Variants in EXOC2 observed in about 807,000 individuals in gnomAD.
EXOC2 encodes SEC5-like 1.
Under a neutral mutation model 131.8 loss-of-function variants are expected in EXOC2, and 70 were observed. That is an observed-to-expected ratio of 0.53 (90% CI 0.44 to 0.65). EXOC2 has a LOEUF of 0.65. Ranked by LOEUF, EXOC2 falls within the 30% of genes least tolerant of loss-of-function variation. The probability of loss-of-function intolerance (pLI) is 0.00; values close to 1 mark genes in which losing one functional copy is unlikely to be tolerated. For synonymous variants in EXOC2, 411 were observed against 398.4 expected, an observed-to-expected ratio of 1.03 and a Z score of -0.38; for missense variants, 923 against 1,108.6, an observed-to-expected ratio of 0.83 and a Z score of 2.38.
intron 12 of EXOC2, 88 bp from the exon 13 acceptor site, chr6:572,732 C>T (rs1448690892): frequency 8.8e-6 from 13 of 1,480,116 alleles, no homozygotes; most frequent in Middle Eastern, 2.3e-4. Context: ...CCTCCACTCC[C>T]GCAAAACTCC....
At chr6:607,572 T>C (rs1309783065) in intron 7 of EXOC2, among the ~76,000 whole-genome samples, 1 of 152,228 alleles carries the variant, frequency 6.6e-6, no homozygotes, top group East Asian at 1.9e-4. Context: ...ACGGGACTAT[T>C]TCAATTTAAA....
At chr6:658,741 G>C (rs1407611750) in intron 1 of EXOC2, among the ~76,000 whole-genome samples, 2 of 146,938 alleles carry the variant, frequency 1.4e-5, no homozygotes, top group Non-Finnish European at 3.0e-5. Context: ...GGCTCACTGC[G>C]ACCTCTACCT....
At chr6:690,117 A>C (rs1022130064) in intron 1 of EXOC2, among the ~76,000 whole-genome samples, 1 of 152,174 alleles carries the variant, frequency 6.6e-6, no homozygotes, top group Admixed American at 6.5e-5. Context: ...AGCACTGGGA[A>C]GCTGAGGCCA....
At chr6:604,495 G>T (rs1175292787) in intron 7 of EXOC2, among the ~76,000 whole-genome samples, 1 of 152,122 alleles carries the variant, frequency 6.6e-6, no homozygotes, top group Admixed American at 6.5e-5. Context: ...CTATACAGAT[G>T]GCAGATTGCT....
intron 22 of EXOC2, among the ~76,000 whole-genome samples, chr6:543,984 G>A (rs1015528315): frequency 1.3e-5 from 2 of 152,304 alleles, no homozygotes; most frequent in South Asian, 2.1e-4. Flanking sequence ...AGATGAGGTC[G>A]TCTACAGAAA....
At chr6:692,510 C>A (rs1175557041) in intron 1 of EXOC2, among the ~76,000 whole-genome samples, 1 of 152,280 alleles carries the variant, frequency 6.6e-6, no homozygotes, top group Non-Finnish European at 1.5e-5. Context: ...AGCGTACATA[C>A]ACCCGCGCGA....
At chr6:613,436 T>G (rs1157835896) in intron 6 of EXOC2, among the ~76,000 whole-genome samples, 2 of 151,126 alleles carry the variant, frequency 1.3e-5, no homozygotes, top group Non-Finnish European at 2.9e-5. Flanking sequence ...ATGCAGATGA[T>G]GTAAAAAAAA....
At chr6:586,191 TC>T (rs1282466919) in intron 11 of EXOC2, among the ~76,000 whole-genome samples, 1 of 152,170 alleles carries the variant, frequency 6.6e-6, no homozygotes, top group Non-Finnish European at 1.5e-5. Context: ...AAGTAAGTAC[TC>T]TGTCACCGAG....
At chr6:648,895 T>C (rs2143331) in intron 1 of EXOC2, among the ~76,000 whole-genome samples, 8 of 151,564 alleles carry the variant, frequency 5.3e-5, no homozygotes, top group Non-Finnish European at 2.9e-5. Context: ...CTAATTTTTG[T>C]TATATTTTTT....
intron 2 of EXOC2, among the ~76,000 whole-genome samples, chr6:634,002 A>G (rs1761980554): frequency 1.3e-5 from 2 of 152,242 alleles, no homozygotes; most frequent in South Asian, 4.1e-4. Flanking sequence ...ACAGAGACCA[A>G]TGTAATTAAT....
chr6:487,276 TAGAG>T (rs994784579), intron 27 of EXOC2, among the ~76,000 whole-genome samples: 1 of 151,908 alleles, frequency 6.6e-6, no homozygotes, highest in Non-Finnish European at 1.5e-5. Context: ...TAACAGGTAT[TAGAG>T]AGTGGGGAGC....
intron 11 of EXOC2, among the ~76,000 whole-genome samples, chr6:580,905 A>G (rs1758854213): frequency 6.6e-6 from 1 of 152,192 alleles, no homozygotes; most frequent in Non-Finnish European, 1.5e-5. Context: ...GTGTCGTTTT[A>G]AATGTATAAA....
intron 2 of EXOC2, among the ~76,000 whole-genome samples, chr6:636,923 G>A (rs1762129469): frequency 6.6e-6 from 1 of 152,158 alleles, no homozygotes; most frequent in Non-Finnish European, 1.5e-5. Flanking sequence ...CTGAAACTTA[G>A]TAGGCCAAAT....
In EXOC2 at chr6:599,244, A is replaced by G; in HGVS notation, c.743-19T>C. ...CTTGCTCCTGTTTTAAAAAGAGGAA[A>G]GGAAACTTAGATGAAAGCTGATTTT... On this transcript the variant is annotated intron_variant, in intron 7 of 27. Transcript: ENST00000230449. The G allele has an allele frequency of 6.6e-7, 1 of 1,521,038 alleles. No homozygotes were observed. Among genetic ancestry groups the G allele is most frequent in the Non-Finnish European group, 8.8e-7 (1 of 1,130,814 alleles). 94.2% of individuals were successfully genotyped at this position (1,521,038 alleles called of 1,614,324 possible).
intron 2 of EXOC2, among the ~76,000 whole-genome samples, chr6:636,070 AAAC>A (rs960733902): frequency 6.6e-5 from 10 of 152,366 alleles, no homozygotes; most frequent in African/African-American, 2.2e-4. Flanking sequence ...TCAAAACAAA[AAAC>A]AACAGCAACA....
intron 1 of EXOC2, among the ~76,000 whole-genome samples, chr6:663,275 A>T (rs187003472): frequency 1.6e-4 from 25 of 152,300 alleles, no homozygotes; most frequent in African/African-American, 5.3e-4. Flanking sequence ...CAGACCAATA[A>T]CAAGCAGCAA....
At chr6:564,427 G>T in intron 15 of EXOC2, 118 bp downstream of exon 15, 1 of 1,394,348 alleles carries the variant, frequency 7.2e-7, no homozygotes, top group Non-Finnish European at 9.8e-7. Flanking sequence ...AAACAGTGGA[G>T]GCAAAAGGAC....
At chr6:540,595 TGAG>T (rs1766755814) in intron 22 of EXOC2, among the ~76,000 whole-genome samples, 1 of 151,904 alleles carries the variant, frequency 6.6e-6, no homozygotes, top group Non-Finnish European at 1.5e-5. Flanking sequence ...AAGAGAGAGC[TGAG>T]GAGATTACCC....
intron 11 of EXOC2, among the ~76,000 whole-genome samples, chr6:588,487 G>A (rs897421098): frequency 5.3e-5 from 8 of 152,136 alleles, no homozygotes; most frequent in Middle Eastern, 3.4e-3. Context: ...TGAGTAGCTG[G>A]GCCTATACCT....
Sources: gnomAD v4.1 joint callset for allele counts (sites outside exome capture counted in the v4.1 genomes callset) on GRCh38, gnomAD v4.1.1 for gene constraint, MANE v1.5 for transcripts, NCBI Gene and HGNC (gene_info 2026-07-23, HGNC 2026-07-21) for gene names.